The following TEX2 variants were observed in gnomAD, a reference collection of about 807,000 sequenced individuals.
The protein encoded by TEX2 is testis-expressed protein 2.
A neutral mutation model predicts 106.9 loss-of-function variants in TEX2; 53 were observed. That is an observed-to-expected ratio of 0.50 (90% CI 0.40 to 0.62). TEX2 has a LOEUF of 0.62. TEX2 is among the 20% of genes least tolerant of loss of function. TEX2 has a pLI of 0.00. For synonymous variants in TEX2, 523 were observed against 534.8 expected (o/e 0.98, Z 0.30); for missense variants, 1,207 against 1,379.0 (o/e 0.88, Z 1.98).
Position 64,253,329 on chromosome 17 carries a change from CTTTCTT to C in TEX2, c.-26+9833_-26+9838del, listed in dbSNP as rs1239736108. ...AATTTTAATTTTTCCTTCTTTCTTT[CTTTCTT>C]TTTTTTTTTTTTGTAGACAGGGTCT... is the stretch of plus-strand genomic sequence containing the variant. On this transcript the variant is annotated intron_variant, in intron 1 of 11. Coordinates refer to ENST00000584379, the MANE Select transcript of TEX2 (RefSeq NM_001288732.2). Among the ~76,000 whole-genome samples the C allele has an allele frequency of 3.1e-3, 440 of 142,210 alleles. 3 individuals carry two copies. Among genetic ancestry groups the C allele is most frequent in the Admixed American group, 5.9e-3 (85 of 14,350 alleles). The allele number at this position is 142,210 out of a possible 152,430, so 93.3% of individuals were successfully genotyped here. A position where few individuals can be genotyped will look rare whatever the true frequency, so the allele number is the denominator to read the frequency against.
chr17:64,157,816 T>C (rs930607755), intron 8 of TEX2, among the ~76,000 whole-genome samples: 4 of 152,202 alleles, frequency 2.6e-5, no homozygotes, highest in African/African-American at 7.2e-5. Flanking sequence ...TGTGAACTAG[T>C]AACCCAAAAG....
chr17:64,161,063 G>A, intron 7 of TEX2, 130 bp from the exon 8 acceptor site: 1 of 974,888 alleles, frequency 1.0e-6, no homozygotes, highest in Non-Finnish European at 1.5e-6. Flanking sequence ...TACTCTAGTT[G>A]AGAAGAGGAC....
intron 7 of TEX2, 90 bp from the exon 8 acceptor site, chr17:64,161,023 C>A: frequency 7.1e-7 from 1 of 1,400,576 alleles, no homozygotes. Flanking sequence ...TCTAAATAGG[C>A]ACCATACTGA....
At chr17:64,182,640 C>A (rs1320702212) in intron 5 of TEX2, among the ~76,000 whole-genome samples, 3 of 152,236 alleles carry the variant, frequency 2.0e-5, no homozygotes, top group East Asian at 3.9e-4. Context: ...TCCTCCCCAT[C>A]CCCCTGCCCA....
chr17:64,249,241 C>G (rs1555636665), intron 1 of TEX2, among the ~76,000 whole-genome samples: 2 of 152,186 alleles, frequency 1.3e-5, no homozygotes, highest in African/African-American at 4.8e-5. Context: ...ATAAAGCACC[C>G]ATCTCACTCA....
chr17:64,226,725 C>G (rs781867225), intron 1 of TEX2, among the ~76,000 whole-genome samples: 1 of 152,170 alleles, frequency 6.6e-6, no homozygotes, highest in Non-Finnish European at 1.5e-5. Context: ...ATGTATGATG[C>G]TGGCAAGGGC....
intron 4 of TEX2, among the ~76,000 whole-genome samples, chr17:64,191,487 T>C (rs1296196922): frequency 3.9e-5 from 6 of 152,182 alleles, no homozygotes; most frequent in African/African-American, 7.2e-5. Context: ...CTGAGCCACA[T>C]AAACAATTTT....
At chr17:64,170,622 C>CTTTTTTTTTTTTTTTTTTTTTTT (rs71156002) in intron 7 of TEX2, among the ~76,000 whole-genome samples, 2 of 73,742 alleles carry the variant, frequency 2.7e-5, no homozygotes, top group Non-Finnish European at 4.7e-5. Flanking sequence ...TATTCCAAAT[C>CTTTTTTTTTTTTTTTTTTTTTTT]TTTTTTTTTT....
intron 1 of TEX2, among the ~76,000 whole-genome samples, chr17:64,243,596 C>T (rs146976986): frequency 1.2e-4 from 19 of 152,258 alleles, no homozygotes; most frequent in African/African-American, 4.3e-4. Context: ...ACATTCCCAG[C>T]TGAACGCTTT....
At chr17:64,225,169 A>C (rs982907994) in intron 1 of TEX2, among the ~76,000 whole-genome samples, 2 of 152,046 alleles carry the variant, frequency 1.3e-5, no homozygotes, top group Non-Finnish European at 2.9e-5. Flanking sequence ...AGAATATTGC[A>C]GGCTGGGCAC....
chr17:64,178,324 C>T (rs904604882), intron 5 of TEX2, among the ~76,000 whole-genome samples: 5 of 152,200 alleles, frequency 3.3e-5, no homozygotes, highest in African/African-American at 1.2e-4. Context: ...GCAGCACCCA[C>T]AGACGGTGTT....
At chr17:64,210,073 ACAGT>A (rs1397555213) in intron 2 of TEX2, among the ~76,000 whole-genome samples, 8 of 152,224 alleles carry the variant, frequency 5.3e-5, no homozygotes, top group Non-Finnish European at 1.5e-5. Flanking sequence ...ACTGAATGCC[ACAGT>A]CAGTCATTAG....
At chr17:64,261,554 T>C (rs1039769000) in intron 1 of TEX2, among the ~76,000 whole-genome samples, 14 of 152,178 alleles carry the variant, frequency 9.2e-5, no homozygotes, top group Admixed American at 6.6e-5. Context: ...AGCCCCTCGG[T>C]TGCTTGTCAG....
At chr17:64,160,969 C>T (rs780937479) in intron 7 of TEX2, 36 bp from the exon 8 acceptor site, 1 of 1,593,496 alleles carries the variant, frequency 6.3e-7, no homozygotes, top group South Asian at 1.1e-5. Flanking sequence ...GGTTTTTTTC[C>T]CTCAAAAAAA....
Position 64,188,195 on chromosome 17 carries a change from C to T in TEX2, c.2397G>A (p.Ala799=), listed in dbSNP as rs34609149. Residue 799 remains alanine (A), a synonymous_variant, in exon 5 of 12, where the codon GCG becomes GCA. Coordinates refer to ENST00000584379, the MANE Select transcript of TEX2 (RefSeq NM_001288732.2). ...TCTTCCCAGCTGTGGGGCTGCTCTC[C>T]GCACTCTGCAGGGGGCTCCTCTGGG... is the stretch of plus-strand genomic sequence containing the variant. ...RSPQRSPLQS[A]ESSPTAGKKL... 6,502 of 1,611,058 alleles carry T rather than the reference C, an allele frequency of 4.0e-3. 14 individuals are homozygous for T. Among genetic ancestry groups the T allele is most frequent in the Non-Finnish European group, 4.8e-3 (5,636 of 1,179,992 alleles).
intron 1 of TEX2, among the ~76,000 whole-genome samples, chr17:64,233,575 AAAAC>A (rs148149135): frequency 6.6e-5 from 10 of 152,194 alleles, no homozygotes; most frequent in Non-Finnish European, 1.5e-4. Flanking sequence ...TCCATCTCAA[AAAAC>A]AAACAAACAA....
intron 6 of TEX2, among the ~76,000 whole-genome samples, chr17:64,174,894 CACA>C (rs2031558113): frequency 6.6e-6 from 1 of 152,218 alleles, no homozygotes; most frequent in East Asian, 1.9e-4. Flanking sequence ...GCTGCTTTTT[CACA>C]ACATGAGTCA....
At chr17:64,190,350 G>A (rs542901448) in intron 4 of TEX2, among the ~76,000 whole-genome samples, 1 of 152,110 alleles carries the variant, frequency 6.6e-6, no homozygotes, top group South Asian at 2.1e-4. Flanking sequence ...AGAAAAACCA[G>A]TGAAATCCAA....
intron 2 of TEX2, among the ~76,000 whole-genome samples, chr17:64,203,115 G>A (rs2032722407): frequency 6.6e-6 from 1 of 152,216 alleles, no homozygotes; most frequent in African/African-American, 2.4e-5. Context: ...CAGTTACAGT[G>A]CCAATCAGAA....
Sources: allele counts gnomAD v4.1 joint callset (sites outside exome capture counted in the v4.1 genomes callset), GRCh38; gene constraint gnomAD v4.1.1; transcripts MANE v1.5; gene names NCBI Gene and HGNC (gene_info 2026-07-23, HGNC 2026-07-21).